CLMN: variants seen among roughly 807,000 people sequenced by gnomAD.
The protein encoded by CLMN is calmin (calponin-like, transmembrane).
CLMN carries 57 observed loss-of-function variants against 92.7 expected under a neutral mutation model. The ratio of observed to expected loss-of-function variants is 0.61; its 90% confidence interval spans 0.50 to 0.77. The LOEUF (loss-of-function observed/expected upper bound fraction) is 0.77, where lower values mean the gene tolerates loss of function less well. CLMN is among the 30% of genes least tolerant of loss of function. The pLI is 0.00. For synonymous variants in CLMN, 466 were observed against 470.6 expected, an observed-to-expected ratio of 0.99 and a Z score of 0.13; for missense variants, 1,158 against 1,237.5, an observed-to-expected ratio of 0.94 and a Z score of 0.96.
chr14:95,243,518 A>G (rs2140659492), intron 1 of CLMN, among the ~76,000 whole-genome samples: 1 of 152,238 alleles, frequency 6.6e-6, no homozygotes, highest in South Asian at 2.1e-4. Flanking sequence ...ACCTTTTCAA[A>G]TCCAGTCCTA....
In CLMN at chr14:95,203,029, C is replaced by T; in HGVS notation, c.2320G>A (p.Ala774Thr). The T allele has an allele frequency of 6.2e-7, 1 of 1,614,118 alleles. No individual in the cohort carries two copies. Among genetic ancestry groups the T allele is most frequent in the Non-Finnish European group, 8.5e-7 (1 of 1,179,992 alleles). ...MPDLDSREEEADGSQSSSSSS... is the reference protein window; with the variant it reads ...MPDLDSREEETDGSQSSSSSS... ...CTGGAGCTGCTCTGAGAGCCATCGG[C>T]CTCCTCCTCCCTGGAGTCCAGGTCT... Residue 774 changes from alanine (A) to threonine (T), a missense_variant, in exon 9 of 13, where the codon GCC becomes ACC. Transcript: ENST00000298912.
At chr14:95,221,547 T>G in intron 4 of CLMN, 144 bp downstream of exon 4, 1 of 686,140 alleles carries the variant, frequency 1.5e-6, no homozygotes. Flanking sequence ...GAGTGATTTC[T>G]GTGAAATTTA....
Position 95,229,389 on chromosome 14 carries a change from C to T in CLMN, c.144+683G>A, listed in dbSNP as rs1362154645. Among the ~76,000 whole-genome samples, 3 of 152,034 alleles carry T rather than the reference C, an allele frequency of 2.0e-5. No individual in the cohort carries two copies. In the East Asian group the frequency reaches 5.8e-4, roughly 29 times the overall value. ...GCATGAGATGCTTGCAAACAAAATGCAACTCAAAACAGCCGGGCCAAAGAA... is the reference window on the plus strand; with the variant it reads ...GCATGAGATGCTTGCAAACAAAATGTAACTCAAAACAGCCGGGCCAAAGAA... On this transcript the variant is annotated intron_variant, in intron 2 of 12. Coordinates refer to ENST00000298912, the MANE Select transcript of CLMN (RefSeq NM_024734.4).
chr14:95,240,283 C>G (rs1296392087), intron 1 of CLMN, among the ~76,000 whole-genome samples: 1 of 152,244 alleles, frequency 6.6e-6, no homozygotes, highest in Admixed American at 6.5e-5. Flanking sequence ...AACCCTACTT[C>G]CTTCTCCTTT....
chr14:95,252,906 C>T (rs113927011), intron 1 of CLMN, among the ~76,000 whole-genome samples: 154 of 152,290 alleles, frequency 1.0e-3, no homozygotes, highest in African/African-American at 3.3e-3. Flanking sequence ...TCTTGCCCTA[C>T]GCATCTCTTG....
intron 1 of CLMN, among the ~76,000 whole-genome samples, chr14:95,315,335 G>T (rs890389612): frequency 3.9e-5 from 6 of 152,148 alleles, no homozygotes; most frequent in Non-Finnish European, 7.3e-5. Context: ...ATGGGCCAAA[G>T]AGCTGCCCAG....
chr14:95,290,063 C>A (rs903868514), intron 1 of CLMN, among the ~76,000 whole-genome samples: 4 of 152,322 alleles, frequency 2.6e-5, no homozygotes, highest in African/African-American at 9.6e-5. Flanking sequence ...ATAATATAAC[C>A]TTTAAAAAAG....
At position 95,294,124 on chromosome 14, in the gene CLMN, G is replaced by A. The variant is rs908447135; in HGVS notation, c.82+25587C>T. Among the ~76,000 whole-genome samples, 7 of 152,198 alleles carry A rather than the reference G, an allele frequency of 4.6e-5. No individual in the cohort carries two copies. The highest frequency in any genetic ancestry group is 2.1e-4 in the South Asian group (1 of 4,830). ...TCACCCTAAACAGCCAGGAGAGTGC[G>A]TGCAGTCAGCCTGCCTGCCAAAGAA... On this transcript the variant is annotated intron_variant, in intron 1 of 12. Transcript: ENST00000298912. The surrounding 1 kb of genome is among the most constrained non-coding windows in gnomAD (Gnocchi z 4.2).
rs1325914712 is a variant in CLMN at position 95,184,172 on chromosome 14, A to G, written c.*7392T>C. The G allele has an allele frequency of 6.6e-6, 1 of 152,250 alleles. No homozygotes were observed. The highest frequency in any genetic ancestry group is 1.5e-5 in the Non-Finnish European group (1 of 68,036). 9.4% of individuals were successfully genotyped at this position (152,250 alleles called of 1,614,324 possible). On this transcript the variant is annotated 3_prime_UTR_variant, in exon 13 of 13. Coordinates refer to ENST00000298912, the MANE Select transcript of CLMN (RefSeq NM_024734.4). ...TCCAACAAATATGTGCTGAATGCCT[A>G]TAATGCACAGAAGCTCAGAAGTTAG...
intron 7 of CLMN, among the ~76,000 whole-genome samples, chr14:95,210,165 GC>G (rs1897156237): frequency 1.3e-5 from 2 of 152,014 alleles, no homozygotes; most frequent in South Asian, 4.2e-4. Flanking sequence ...TGATTCTCCT[GC>G]CTCAGTCTCC....
At chr14:95,233,000 A>C (rs1354069446) in intron 1 of CLMN, among the ~76,000 whole-genome samples, 1 of 152,232 alleles carries the variant, frequency 6.6e-6, no homozygotes, top group Non-Finnish European at 1.5e-5. Context: ...GCTGGGTCTT[A>C]GTGGTAGGCA....
intron 1 of CLMN, 114 bp downstream of exon 1, chr14:95,319,597 G>C (rs1189999873): frequency 1.2e-6 from 1 of 866,806 alleles, no homozygotes; most frequent in Admixed American, 2.6e-5. Context: ...CAAGTGACAG[G>C]AACAACGAGC....
At chr14:95,248,289 C>T (rs115016156) in intron 1 of CLMN, among the ~76,000 whole-genome samples, 82 of 152,036 alleles carry the variant, frequency 5.4e-4, no homozygotes, top group African/African-American at 1.9e-3. Context: ...TATAAAATGC[C>T]AAAATTAGGG....
At chr14:95,223,471 TA>T (rs11287631) in intron 3 of CLMN, among the ~76,000 whole-genome samples, 1,972 of 152,326 alleles carry the variant, frequency 0.013, 42 homozygotes, top group African/African-American at 0.045. Context: ...CTAGTTTATA[TA>T]ATGGCTGGCT....
chr14:95,219,766 AG>A (rs1175733707), intron 4 of CLMN, among the ~76,000 whole-genome samples: 1 of 152,236 alleles, frequency 6.6e-6, no homozygotes. Context: ...TTTAATGAAC[AG>A]GGGGTAGGCT....
intron 1 of CLMN, among the ~76,000 whole-genome samples, chr14:95,243,719 AT>A (rs35698997): frequency 0.59 from 82,191 of 139,382 alleles, 26,146 homozygotes; most frequent in Middle Eastern, 0.78. Flanking sequence ...AATCTCCTCT[AT>A]TTTTTTTTTT....
At chr14:95,309,540 A>C (rs10147069) in intron 1 of CLMN, among the ~76,000 whole-genome samples, 13,053 of 152,290 alleles carry the variant, frequency 0.086, 686 homozygotes, top group African/African-American at 0.15. Flanking sequence ...TGACACAACG[A>C]CACCACCTTC....
chr14:95,191,324 G>A lies in CLMN; in HGVS notation c.*240C>T, dbSNP rs916441339. 1.8e-5 allele frequency: 6 copies of A among 340,760 alleles called. No individual in the cohort carries two copies. Among genetic ancestry groups the A allele is most frequent in the Admixed American group, 1.4e-4 (3 of 21,346 alleles). 21.1% of individuals were successfully genotyped at this position (340,760 alleles called of 1,614,324 possible). On this transcript the variant is annotated 3_prime_UTR_variant, in exon 13 of 13. Coordinates refer to ENST00000298912, the MANE Select transcript of CLMN (RefSeq NM_024734.4). This position sits in a 1 kb window ranked among gnomAD's most constrained non-coding sequence, Gnocchi z 5.3. ...CACACAAGGACAAAACCCCACCTACGGATCCAGCTGCATGCCTGAGTTTTG... is the reference window on the plus strand; with the variant it reads ...CACACAAGGACAAAACCCCACCTACAGATCCAGCTGCATGCCTGAGTTTTG...
rs1408891367 is a variant in CLMN, at chr14:95,259,429, G to C, written c.83-29296C>G. Reference sequence around the variant, plus strand: ...GCGTGGACAAACCTCCGGGTTACCAGAATGTGCACTTTATGAGGACACGGA... The same window carrying C: ...GCGTGGACAAACCTCCGGGTTACCACAATGTGCACTTTATGAGGACACGGA... On this transcript the variant is annotated intron_variant, in intron 1 of 12. Coordinates refer to ENST00000298912, the MANE Select transcript of CLMN (RefSeq NM_024734.4). This position sits in a 1 kb window ranked among gnomAD's most constrained non-coding sequence, Gnocchi z 4.3. Among the ~76,000 whole-genome samples the C allele has an allele frequency of 6.6e-6, 1 of 152,156 alleles. No homozygotes were observed. Among genetic ancestry groups the C allele is most frequent in the Non-Finnish European group, 1.5e-5 (1 of 68,018 alleles).
Sources: gnomAD v4.1 joint callset for allele counts (sites outside exome capture counted in the v4.1 genomes callset) on GRCh38, gnomAD v4.1.1 for gene constraint, Gnocchi (gnomAD v3.1) non-coding constraint, MANE v1.5 for transcripts, NCBI Gene and HGNC (gene_info 2026-07-23, HGNC 2026-07-21) for gene names.